MYRIP: variants seen among roughly 807,000 people sequenced by gnomAD.
The protein encoded by MYRIP is rab effector MyRIP.
In MYRIP, 49 loss-of-function variants were observed where a neutral mutation model predicts 98.0. The ratio of observed to expected loss-of-function variants is 0.50; its 90% CI spans 0.40 to 0.63. MYRIP has a LOEUF of 0.63. Among genes scored for constraint, MYRIP ranks in the 30% least tolerant of loss-of-function variants. The pLI is 0.00. For missense variants in MYRIP, 1,004 were observed against 1,058.2 expected (o/e 0.95, Z 0.71); for synonymous variants, 404 against 409.5 (o/e 0.99, Z 0.16).
At chr3:39,862,377 G>A (rs994636019) in intron 1 of MYRIP, among the ~76,000 whole-genome samples, 4 of 152,120 alleles carry the variant, frequency 2.6e-5, no homozygotes, top group African/African-American at 9.7e-5. Context: ...CAGCCACTAC[G>A]AAAACATGCT....
At chr3:39,876,469 G>A (rs925487242) in intron 1 of MYRIP, among the ~76,000 whole-genome samples, 2 of 152,166 alleles carry the variant, frequency 1.3e-5, no homozygotes, top group Admixed American at 6.6e-5. Flanking sequence ...TGATTTTGCA[G>A]TGGTTGGTAC....
At chr3:40,227,219 T>G (rs901829982) in intron 11 of MYRIP, among the ~76,000 whole-genome samples, 1 of 152,156 alleles carries the variant, frequency 6.6e-6, no homozygotes, top group African/African-American at 2.4e-5. Context: ...AAATTAGTGA[T>G]GGGAGGGAAT....
intron 2 of MYRIP, among the ~76,000 whole-genome samples, chr3:39,912,904 G>T (rs995669136): frequency 1.2e-4 from 19 of 152,162 alleles, no homozygotes; most frequent in Admixed American, 7.9e-4. Flanking sequence ...ACTAGGTGTG[G>T]TGGCATGCAC....
At chr3:40,010,066 G>A (rs1226449005) in intron 2 of MYRIP, among the ~76,000 whole-genome samples, 1 of 152,184 alleles carries the variant, frequency 6.6e-6, no homozygotes, top group East Asian at 1.9e-4. Flanking sequence ...AGGGTCCTAG[G>A]CAGATGGCCA....
At chr3:40,133,383 G>C (rs1949687038) in intron 3 of MYRIP, among the ~76,000 whole-genome samples, 1 of 152,212 alleles carries the variant, frequency 6.6e-6, no homozygotes. Flanking sequence ...ACAAAAAGTT[G>C]TGTCTGCAGA....
At chr3:40,203,964 C>T (rs1271565489) in intron 10 of MYRIP, among the ~76,000 whole-genome samples, 73 of 2,646 alleles carry the variant, frequency 0.028, 5 homozygotes, top group African/African-American at 0.095. Context: ...ATATTATATA[C>T]ATTATATATA....
At chr3:40,093,259 G>A (rs573990475) in intron 3 of MYRIP, among the ~76,000 whole-genome samples, 89 of 152,304 alleles carry the variant, frequency 5.8e-4, no homozygotes, top group African/African-American at 2.0e-3. Context: ...CCCAGTGGCT[G>A]CAGGCTTTTT....
chr3:39,810,909 C>G (rs1446469964), intron 1 of MYRIP, among the ~76,000 whole-genome samples: 1 of 152,182 alleles, frequency 6.6e-6, no homozygotes, highest in African/African-American at 2.4e-5. Flanking sequence ...CTAGAAAATG[C>G]CTTGAGTCTG....
chr3:40,211,663 G>A (rs899255602), intron 11 of MYRIP, among the ~76,000 whole-genome samples: 21 of 152,186 alleles, frequency 1.4e-4, no homozygotes, highest in African/African-American at 4.6e-4. Flanking sequence ...ATGGTAACTG[G>A]AGAATATCAC....
At chr3:40,099,828 A>G (rs931815558) in intron 3 of MYRIP, among the ~76,000 whole-genome samples, 1 of 152,230 alleles carries the variant, frequency 6.6e-6, no homozygotes, top group African/African-American at 2.4e-5. Context: ...CAAACCAAGA[A>G]AGTGGGAAAA....
At chr3:40,156,503 A>C (rs967894214) in intron 4 of MYRIP, among the ~76,000 whole-genome samples, 2 of 152,004 alleles carry the variant, frequency 1.3e-5, no homozygotes, top group African/African-American at 4.8e-5. Context: ...TATGAACTTT[A>C]AAGTAGTTTT....
At chr3:39,986,004 C>G (rs1946022634) in intron 2 of MYRIP, among the ~76,000 whole-genome samples, 1 of 152,148 alleles carries the variant, frequency 6.6e-6, no homozygotes, top group African/African-American at 2.4e-5. Context: ...AAGAAACTAC[C>G]ATCAGAGTGA....
intron 2 of MYRIP, among the ~76,000 whole-genome samples, chr3:39,920,079 A>G (rs866975501): frequency 1.3e-5 from 2 of 152,118 alleles, no homozygotes; most frequent in Admixed American, 1.3e-4. Context: ...TGAAAGCCCT[A>G]TATTAATAAA....
At chr3:40,010,431 C>T (rs780073691) in intron 2 of MYRIP, among the ~76,000 whole-genome samples, 4 of 152,092 alleles carry the variant, frequency 2.6e-5, no homozygotes, top group East Asian at 1.9e-4. Context: ...ATAGAGGTGC[C>T]GGGTAGCAGT....
chr3:40,162,824 A>G lies in MYRIP; in HGVS notation c.550+14A>G, dbSNP rs779757573. The G allele has an allele frequency of 3.7e-6, 6 of 1,609,532 alleles. No individual in the cohort carries two copies. Among genetic ancestry groups the G allele is most frequent in the Non-Finnish European group, 5.1e-6 (6 of 1,175,886 alleles). ...GGCAGTCAGAAGGTAAAGTTGCTTA[A>G]GAGTTTACAGCTACTGGGAAGTTGG... On this transcript the variant is annotated intron_variant, in intron 5 of 16. Coordinates refer to ENST00000302541, the MANE Select transcript of MYRIP (RefSeq NM_015460.4).
At chr3:40,239,787 A>T (rs1377674891) in intron 12 of MYRIP, among the ~76,000 whole-genome samples, 3 of 123,222 alleles carry the variant, frequency 2.4e-5, no homozygotes, top group South Asian at 2.8e-4. Context: ...GTTTGAGTTC[A>T]TTGTAGATTC....
chr3:40,084,254 A>C (rs1948551535), intron 3 of MYRIP, among the ~76,000 whole-genome samples: 2 of 131,854 alleles, frequency 1.5e-5, no homozygotes, highest in Admixed American at 1.6e-4. Context: ...AATATATAAT[A>C]TATAAAATAT....
chr3:39,853,428 T>G (rs1034862497), intron 1 of MYRIP, among the ~76,000 whole-genome samples: 1 of 152,154 alleles, frequency 6.6e-6, no homozygotes, highest in Non-Finnish European at 1.5e-5. Context: ...ATTATTTTTT[T>G]TATTTTTTGA....
intron 2 of MYRIP, among the ~76,000 whole-genome samples, chr3:39,915,881 C>T (rs1944145995): frequency 6.6e-6 from 1 of 151,768 alleles, no homozygotes; most frequent in Admixed American, 6.6e-5. Flanking sequence ...TTTATAAGTT[C>T]CCATTAAATT....
Sources: allele counts gnomAD v4.1 joint callset (sites outside exome capture counted in the v4.1 genomes callset), GRCh38; gene constraint gnomAD v4.1.1; transcripts MANE v1.5; gene names NCBI Gene and HGNC (gene_info 2026-07-23, HGNC 2026-07-21).